FRYL: variants seen among roughly 807,000 people sequenced by gnomAD.
FRYL encodes protein furry homolog-like.
A neutral mutation model predicts 351.2 loss-of-function variants in FRYL; 150 were observed. That is an observed-to-expected ratio of 0.43 (90% CI 0.37 to 0.49). The LOEUF (loss-of-function observed/expected upper bound fraction) is 0.49, where lower values mean the gene tolerates loss of function less well. Ranked by LOEUF, FRYL falls within the 20% of genes least tolerant of loss-of-function variation. The pLI is 0.00. For synonymous variants in FRYL, 1,153 were observed against 1,257.1 expected (o/e 0.92, Z 1.75); for missense variants, 3,036 against 3,619.3 (o/e 0.84, Z 4.13).
At position 48,690,685 on chromosome 4, in the gene FRYL, T is replaced by TAA. The variant is rs139770051; in HGVS notation, c.-203-5892_-203-5891dup. ...CTTTTTAATTTAAAGATGCAACATCTAAAATGCTTTCTAGGGTCATCTGTA... is the reference window on the plus strand; with the variant it reads ...CTTTTTAATTTAAAGATGCAACATCTAAAAAATGCTTTCTAGGGTCATCTGTA... On this transcript the variant is annotated intron_variant, in intron 2 of 63. Transcript: ENST00000358350. Among the ~76,000 whole-genome samples, 727 of 152,300 alleles carry TAA rather than the reference T, an allele frequency of 4.8e-3. 7 individuals carry two copies. Among genetic ancestry groups the TAA allele is most frequent in the African/African-American group, 0.017 (717 of 41,568 alleles).
At chr4:48,554,342 CT>C (rs1035961712) in intron 35 of FRYL, among the ~76,000 whole-genome samples, 241 of 144,820 alleles carry the variant, frequency 1.7e-3, no homozygotes, top group Middle Eastern at 3.6e-3. Flanking sequence ...CAACCAAATT[CT>C]TTTTTTTTTT....
chr4:48,771,756 C>T (rs746308257), intron 1 of FRYL, among the ~76,000 whole-genome samples: 1 of 136,792 alleles, frequency 7.3e-6, no homozygotes, highest in Non-Finnish European at 1.6e-5. Flanking sequence ...AGAAAGTCTT[C>T]TGGTTCCTCA....
At chr4:48,558,628 A>G (rs543162718) in intron 33 of FRYL, among the ~76,000 whole-genome samples, 2 of 152,396 alleles carry the variant, frequency 1.3e-5, no homozygotes, top group African/African-American at 4.8e-5. Flanking sequence ...TAATCAAAAG[A>G]TAAAAGAACA....
chr4:48,590,604 A>ATATT (rs1455317541), intron 17 of FRYL, 55 bp downstream of exon 17: 1 of 1,295,404 alleles, frequency 7.7e-7, no homozygotes, highest in East Asian at 2.4e-5. Flanking sequence ...TCAGACTTTT[A>ATATT]TAAAAGAATA....
intron 49 of FRYL, among the ~76,000 whole-genome samples, chr4:48,531,758 A>G (rs1163300444): frequency 6.6e-6 from 1 of 152,224 alleles, no homozygotes; most frequent in Non-Finnish European, 1.5e-5. Context: ...CTTTGCAGAT[A>G]AAAATTTTTT....
Position 48,632,757 on chromosome 4 carries a change from C to T in FRYL, c.120+1534G>A, listed in dbSNP as rs562859852. Among the ~76,000 whole-genome samples the T allele has an allele frequency of 1.3e-4, 20 of 152,114 alleles. No individual in the cohort carries two copies. The South Asian group carries it at 3.7e-3, about 28-fold the overall frequency. ...AACATATTATTTCATAGATGCTTTC[C>T]TCAGAGTAGTTTTCTCTACTTAATC... On this transcript the variant is annotated intron_variant, in intron 4 of 63. Coordinates refer to ENST00000358350, the MANE Select transcript of FRYL (RefSeq NM_015030.2).
At chr4:48,535,580 T>TACACAC (rs1242840175) in intron 48 of FRYL, 77 bp downstream of exon 48, 134 of 534,278 alleles carry the variant, frequency 2.5e-4, no homozygotes, top group African/African-American at 1.8e-4. Context: ...TGTATATATA[T>TACACAC]ACACATACAC....
rs745809948 is a variant in FRYL at position 48,711,281 on chromosome 4, G to A, written c.-383-583C>T. Among the ~76,000 whole-genome samples, 22 of 152,360 alleles carry A rather than the reference G, an allele frequency of 1.4e-4. 1 individual carries two copies. The highest frequency in any genetic ancestry group is 1.8e-4 in the Non-Finnish European group (12 of 68,034). ...TGAGGCATTGCCTCACTCGGGAAGC[G>A]CAAGGGGTCAGGGAGTTCCCTTTCC... is the stretch of plus-strand genomic sequence containing the variant. On this transcript the variant is annotated intron_variant, in intron 1 of 63. Transcript: ENST00000358350.
chr4:48,733,446 C>A (rs1449717086), intron 1 of FRYL, among the ~76,000 whole-genome samples: 1 of 151,594 alleles, frequency 6.6e-6, no homozygotes, highest in Non-Finnish European at 1.5e-5. Context: ...AAAAGAAGTT[C>A]TTTAAAAATA....
intron 55 of FRYL, among the ~76,000 whole-genome samples, chr4:48,519,923 G>A (rs1238740356): frequency 2.0e-5 from 3 of 152,074 alleles, no homozygotes; most frequent in Admixed American, 6.6e-5. Context: ...TAGTAGAGAC[G>A]GAGTTTCACC....
intron 4 of FRYL, 56 bp downstream of exon 4, chr4:48,634,235 G>A: frequency 8.1e-7 from 1 of 1,237,570 alleles, no homozygotes; most frequent in Non-Finnish European, 1.2e-6. Flanking sequence ...CTGCATTATA[G>A]TGGTTAATAC....
At position 48,547,742 on chromosome 4, in the gene FRYL, T is replaced by C. The variant is rs759363121; in HGVS notation, c.4916A>G (p.Tyr1639Cys). Reference protein sequence around the residue: ...IGFDHCHPEVYEHCKRLLLHL... With the variant: ...IGFDHCHPEVCEHCKRLLLHL... ...CAGAAGCAGGCGTTTACAATGTTCA[T>C]ACACCTCAGGGTGGCAGTGGTCAAA... The change falls in exon 41 of 64, where the codon TAT (tyrosine) becomes TGT (cysteine). Residue 1639 changes from tyrosine (Y) to cysteine (C), a missense_variant. Tyr to Cys is a radical substitution (Grantham distance 194). Transcript: ENST00000358350. 1 of 1,558,998 alleles carries C rather than the reference T, an allele frequency of 6.4e-7. No homozygotes were observed. The highest frequency in any genetic ancestry group is 8.7e-7 in the Non-Finnish European group (1 of 1,144,518).
chr4:48,534,209 G>T (rs1728372129), intron 49 of FRYL, among the ~76,000 whole-genome samples: 1 of 152,184 alleles, frequency 6.6e-6, no homozygotes, highest in Non-Finnish European at 1.5e-5. Flanking sequence ...CTGGGCAACA[G>T]AGCAAGACTC....
At chr4:48,635,253 C>G (rs549018279) in intron 3 of FRYL, among the ~76,000 whole-genome samples, 15 of 152,252 alleles carry the variant, frequency 9.9e-5, no homozygotes, top group Admixed American at 8.5e-4. Flanking sequence ...GGGATAGAAT[C>G]TGGCTTTCTC....
At chr4:48,726,769 T>C (rs1222863640) in intron 1 of FRYL, among the ~76,000 whole-genome samples, 1 of 152,176 alleles carries the variant, frequency 6.6e-6, no homozygotes, top group African/African-American at 2.4e-5. Context: ...GTCTCAGTAA[T>C]TGATGACTCA....
intron 62 of FRYL, among the ~76,000 whole-genome samples, 154 bp from the exon 63 acceptor site, chr4:48,500,374 G>C (rs952467376): frequency 6.6e-6 from 1 of 152,206 alleles, no homozygotes; most frequent in African/African-American, 2.4e-5. Context: ...AATATTTCAA[G>C]TACTCCATTC....
chr4:48,563,672 T>A (rs1053489364), intron 31 of FRYL, among the ~76,000 whole-genome samples: 2 of 150,108 alleles, frequency 1.3e-5, no homozygotes, highest in African/African-American at 4.9e-5. Flanking sequence ...ATCATGCCAC[T>A]GCACTCTAGC....
intron 1 of FRYL, among the ~76,000 whole-genome samples, chr4:48,722,880 T>C (rs1303878028): frequency 6.6e-6 from 1 of 151,964 alleles, no homozygotes; most frequent in Non-Finnish European, 1.5e-5. Context: ...TAAAAGAAAA[T>C]TATAATGGCT....
chr4:48,643,907 T>C (rs1030676920), intron 3 of FRYL, among the ~76,000 whole-genome samples: 1 of 152,162 alleles, frequency 6.6e-6, no homozygotes, highest in Non-Finnish European at 1.5e-5. Flanking sequence ...AGTGTCAATT[T>C]TCATAAAATT....
Sources: gnomAD v4.1 joint callset for allele counts (sites outside exome capture counted in the v4.1 genomes callset) on GRCh38, gnomAD v4.1.1 for gene constraint, MANE v1.5 for transcripts, NCBI Gene and HGNC (gene_info 2026-07-23, HGNC 2026-07-21) for gene names.